Variants in TENT4A observed in about 807,000 individuals in gnomAD.
TENT4A encodes terminal nucleotidyltransferase 4A, also known as DNA polymerase kappa.
A neutral mutation model predicts 72.8 loss-of-function variants in TENT4A; 7 were observed. The observed-to-expected ratio is 0.10, with a 90% CI of 0.05 to 0.18. TENT4A has a LOEUF of 0.18. Ranked by LOEUF, TENT4A falls within the 10% of genes least tolerant of loss-of-function variation. The probability of loss-of-function intolerance (pLI) is 1.00; values close to 1 mark genes in which losing one functional copy is unlikely to be tolerated. For synonymous variants in TENT4A, 456 were observed against 434.3 expected (o/e 1.05, Z -0.62); for missense variants, 831 against 1,017.7 (o/e 0.82, Z 2.50).
intron 5 of TENT4A, 106 bp from the exon 6 acceptor site, chr5:6,743,606 A>G (rs1424642775): frequency 9.0e-6 from 8 of 892,238 alleles, no homozygotes; most frequent in African/African-American, 3.3e-5. Flanking sequence ...CAGATGGGCA[A>G]GAGGATCGAG....
intron 1 of TENT4A, among the ~76,000 whole-genome samples, chr5:6,736,203 C>T (rs929951699): frequency 6.6e-6 from 1 of 152,180 alleles, no homozygotes; most frequent in East Asian, 1.9e-4. Context: ...TAGCCTTAAG[C>T]CCTCTGTGGA....
intron 1 of TENT4A, among the ~76,000 whole-genome samples, chr5:6,720,486 A>G (rs1579449137): frequency 6.6e-6 from 1 of 152,104 alleles, no homozygotes; most frequent in African/African-American, 2.4e-5. Context: ...GGCAGCCACT[A>G]TAACCAGGAG....
chr5:6,727,040 G>A (rs1740965640), intron 1 of TENT4A, among the ~76,000 whole-genome samples: 1 of 152,046 alleles, frequency 6.6e-6, no homozygotes, highest in Non-Finnish European at 1.5e-5. Context: ...CCCTAGTGCA[G>A]TTGCTTCTTC....
At chr5:6,720,407 C>T (rs1018605145) in intron 1 of TENT4A, among the ~76,000 whole-genome samples, 6 of 152,120 alleles carry the variant, frequency 3.9e-5, no homozygotes, top group Non-Finnish European at 8.8e-5. Context: ...GACTGGACTC[C>T]AGCCCATCGC....
chr5:6,754,781 G>A lies in TENT4A; in HGVS notation c.2215G>A (p.Gly739Ser), dbSNP rs1294450409. ...QHNGMKLSMK[G>S]SHGHTQGGGY... ...CAACGGCATGAAACTGTCCATGAAG[G>A]GCTCTCACGGCCACACCCAAGGCGG... The change falls in exon 13 of 13, where the codon GGC (glycine) becomes AGC (serine). Residue 739 changes from glycine to serine, a missense_variant. Coordinates refer to ENST00000230859, the MANE Select transcript of TENT4A (RefSeq NM_006999.6). 4 of 1,595,706 alleles carry A rather than the reference G, an allele frequency of 2.5e-6. No homozygotes were observed. Among genetic ancestry groups the A allele is most frequent in the Non-Finnish European group, 3.4e-6 (4 of 1,165,608 alleles).
intron 1 of TENT4A, among the ~76,000 whole-genome samples, chr5:6,728,593 G>A (rs563708652): frequency 7.9e-5 from 12 of 152,338 alleles, no homozygotes; most frequent in Admixed American, 2.0e-4. Flanking sequence ...CTTCATGGCC[G>A]CAGGGGCCTT....
chr5:6,741,745 C>A (rs1741817111), intron 4 of TENT4A, among the ~76,000 whole-genome samples: 1 of 152,180 alleles, frequency 6.6e-6, no homozygotes, highest in Admixed American at 6.5e-5. Flanking sequence ...ATGCACTGTC[C>A]CTACGTTGCC....
chr5:6,727,072 G>A (rs1232500565), intron 1 of TENT4A, among the ~76,000 whole-genome samples: 1 of 151,816 alleles, frequency 6.6e-6, no homozygotes, highest in African/African-American at 2.4e-5. Context: ...ACTCCTTGTC[G>A]CCATCCACCC....
intron 8 of TENT4A, among the ~76,000 whole-genome samples, chr5:6,748,934 A>G (rs1176490137): frequency 6.6e-6 from 1 of 152,142 alleles, no homozygotes; most frequent in Non-Finnish European, 1.5e-5. Context: ...TACAGTCCCA[A>G]AATGTAGTCA....
chr5:6,735,856 G>A (rs1035100619), intron 1 of TENT4A, among the ~76,000 whole-genome samples: 1 of 151,840 alleles, frequency 6.6e-6, no homozygotes, highest in Admixed American at 6.6e-5. Flanking sequence ...TGCCTCCTGG[G>A]TTCAAGCGAT....
chr5:6,717,085 C>T (rs965593272), intron 1 of TENT4A, among the ~76,000 whole-genome samples: 3 of 152,194 alleles, frequency 2.0e-5, no homozygotes, highest in Non-Finnish European at 4.4e-5. Flanking sequence ...TAAGGTCCCC[C>T]CTGTGATCAT....
intron 10 of TENT4A, 139 bp downstream of exon 10, chr5:6,750,642 G>A (rs1197637030): frequency 6.6e-6 from 5 of 753,582 alleles, no homozygotes; most frequent in Admixed American, 3.4e-5. Context: ...TGGGTGGGGG[G>A]CAGCCCCGTG....
intron 1 of TENT4A, among the ~76,000 whole-genome samples, chr5:6,721,806 C>G (rs1740666017): frequency 6.6e-6 from 1 of 152,184 alleles, no homozygotes. Context: ...TGATCCTTTT[C>G]TTTCCTAAAT....
At chr5:6,729,497 C>G (rs1213639380) in intron 1 of TENT4A, among the ~76,000 whole-genome samples, 2 of 152,248 alleles carry the variant, frequency 1.3e-5, no homozygotes, top group Non-Finnish European at 2.9e-5. Flanking sequence ...CTTGAGCTAG[C>G]AAGCAAGGCT....
chr5:6,742,310 A>T (rs903785903), intron 4 of TENT4A, among the ~76,000 whole-genome samples, 180 bp from the exon 5 acceptor site: 1 of 152,022 alleles, frequency 6.6e-6, no homozygotes, highest in Non-Finnish European at 1.5e-5. Context: ...TCCTGCTGTG[A>T]GGGGCTGGGG....
At chr5:6,726,084 C>T (rs892472933) in intron 1 of TENT4A, among the ~76,000 whole-genome samples, 2 of 152,098 alleles carry the variant, frequency 1.3e-5, no homozygotes, top group African/African-American at 2.4e-5. Flanking sequence ...TGTTTGTGTC[C>T]GTGAATTTTC....
In TENT4A at chr5:6,748,483, C is replaced by T; in HGVS notation, c.1479C>T (p.Ser493=). The part of the protein sequence containing the change: ...PLLPGNDVGR[S]SYGAMQVKQV... ...CTGCAGGGAATGACGTTGGCCGGAG[C>T]TCCTATGGCGCCATGCAGGTGAAGC... Residue 493 remains serine, a synonymous_variant, in exon 8 of 13, where the codon AGC becomes AGT. Coordinates refer to ENST00000230859, the MANE Select transcript of TENT4A (RefSeq NM_006999.6). The T allele has an allele frequency of 1.2e-6, 2 of 1,614,122 alleles. No individual in the cohort carries two copies. Among genetic ancestry groups the T allele is most frequent in the Non-Finnish European group, 1.7e-6 (2 of 1,180,000 alleles).
At chr5:6,714,794 T>C (rs1232344711) in intron 1 of TENT4A, 95 bp downstream of exon 1, 2 of 637,360 alleles carry the variant, frequency 3.1e-6, no homozygotes, top group Non-Finnish European at 4.3e-6. Flanking sequence ...CCCGGGCTTT[T>C]GGAGGATGGA....
In TENT4A at chr5:6,738,761, G is replaced by A. The variant is rs201055222; in HGVS notation, c.887+32G>A. 1.0e-5 allele frequency: 16 copies of A among 1,533,714 alleles called. No homozygotes were observed. The South Asian group carries it at 1.6e-4, about 15-fold the overall frequency. On this transcript the variant is annotated intron_variant, in intron 3 of 12. Transcript: ENST00000230859. ...ACCAGACTGCATGGCATGGGCTAGT[G>A]GGGGGCTGGGATGGTGTCTATGCAA...
Sources: allele counts gnomAD v4.1 joint callset (sites outside exome capture counted in the v4.1 genomes callset), GRCh38; gene constraint gnomAD v4.1.1; transcripts MANE v1.5; gene names NCBI Gene and HGNC (gene_info 2026-07-23, HGNC 2026-07-21).